The following NLGN1 variants were observed in gnomAD, a reference collection of about 807,000 sequenced individuals.
NLGN1 encodes the protein neuroligin-1.
In NLGN1, 12 loss-of-function variants were observed where a neutral mutation model predicts 65.5. That is an observed-to-expected ratio of 0.18 (90% confidence interval 0.12 to 0.30). NLGN1 has a LOEUF of 0.30. Among genes scored for constraint, NLGN1 ranks in the 10% least tolerant of loss-of-function variants. The pLI, the probability that NLGN1 is intolerant of heterozygous loss-of-function variation, is 1.00. For missense variants in NLGN1, 750 were observed against 1,007.1 expected, an observed-to-expected ratio of 0.74 and a Z score of 3.46; for synonymous variants, 350 against 359.5, an observed-to-expected ratio of 0.97 and a Z score of 0.30.
chr3:173,603,839 A>G (rs952195253), intron 2 of NLGN1, among the ~76,000 whole-genome samples: 6 of 152,082 alleles, frequency 3.9e-5, no homozygotes, highest in South Asian at 2.1e-4. Context: ...AATGCATACA[A>G]TCATTCTTAC....
intron 2 of NLGN1, among the ~76,000 whole-genome samples, chr3:173,585,642 G>C (rs1189349259): frequency 6.6e-6 from 1 of 152,186 alleles, no homozygotes; most frequent in Non-Finnish European, 1.5e-5. Context: ...CAAGTCCGAG[G>C]TAACTTTCTT....
intron 4 of NLGN1, among the ~76,000 whole-genome samples, chr3:174,169,081 C>T (rs952174440): frequency 6.6e-6 from 1 of 152,092 alleles, no homozygotes; most frequent in Admixed American, 6.5e-5. Context: ...TGGAGATCTG[C>T]CTGGGCATGG....
At chr3:173,453,420 C>A (rs1721978575) in intron 2 of NLGN1, among the ~76,000 whole-genome samples, 1 of 151,454 alleles carries the variant, frequency 6.6e-6, no homozygotes, top group Non-Finnish European at 1.5e-5. Context: ...TGAAGTTGGT[C>A]ACATTGATTG....
chr3:174,129,250 ATAATT>A (rs1306427196), intron 4 of NLGN1, among the ~76,000 whole-genome samples: 2 of 151,986 alleles, frequency 1.3e-5, no homozygotes, highest in Non-Finnish European at 2.9e-5. Context: ...TTTTTGGCTC[ATAATT>A]TAAAGAGGTA....
chr3:173,916,541 GGACTACATGAAA>G lies in NLGN1; in HGVS notation c.646+108711_646+108722del, dbSNP rs1358331347. Among the ~76,000 whole-genome samples, 29 of 152,140 alleles carry G rather than the reference GGACTACATGAAA, an allele frequency of 1.9e-4. No individual in the cohort carries two copies. The East Asian group carries it at 5.6e-3, about 29-fold the overall frequency. The stretch of plus-strand genomic sequence containing the variant: ...GTAAATGTTGTCATAATAATAATTA[GGACTACATGAAA>G]GCCATTAGATATGGTGCCCTTCCAG... On this transcript the variant is annotated intron_variant, in intron 4 of 6. Transcript: ENST00000457714.
intron 4 of NLGN1, among the ~76,000 whole-genome samples, chr3:173,824,515 G>T (rs1042677318): frequency 9.9e-5 from 15 of 152,208 alleles, no homozygotes; most frequent in African/African-American, 3.6e-4. Context: ...AAACAAAGGT[G>T]TAAGGGGCTG....
intron 4 of NLGN1, among the ~76,000 whole-genome samples, chr3:173,947,313 C>T (rs900635000): frequency 1.3e-5 from 2 of 151,994 alleles, no homozygotes; most frequent in African/African-American, 4.8e-5. Context: ...TTAGCCACCA[C>T]GACTGGCTCA....
chr3:173,870,116 T>C (rs1181597741), intron 4 of NLGN1, among the ~76,000 whole-genome samples: 1 of 152,206 alleles, frequency 6.6e-6, no homozygotes, highest in Non-Finnish European at 1.5e-5. Context: ...TAGGTTTTAA[T>C]AGACATCCTT....
chr3:173,791,292 C>T (rs1315309400), intron 3 of NLGN1, among the ~76,000 whole-genome samples: 1 of 152,178 alleles, frequency 6.6e-6, no homozygotes, highest in Non-Finnish European at 1.5e-5. Context: ...ATTTCACTCT[C>T]TCATTGGCCT....
At chr3:174,037,055 T>C (rs897788847) in intron 4 of NLGN1, among the ~76,000 whole-genome samples, 1 of 152,200 alleles carries the variant, frequency 6.6e-6, no homozygotes, top group Non-Finnish European at 1.5e-5. Context: ...AGTGCTTCAA[T>C]GAACATACGT....
chr3:173,609,901 A>G (rs1295618065), intron 3 of NLGN1, among the ~76,000 whole-genome samples: 1 of 151,998 alleles, frequency 6.6e-6, no homozygotes, highest in African/African-American at 2.4e-5. Context: ...TCGAGCAAAG[A>G]TCTGAAGGAG....
Position 173,959,779 on chromosome 3 carries a change from A to C in NLGN1, c.646+151947A>C, listed in dbSNP as rs13318304. On this transcript the variant is annotated intron_variant, in intron 4 of 6. Coordinates refer to ENST00000457714, the Ensembl canonical transcript of NLGN1. ...ACAGTTTTGCTAGATTTATAAAATA[A>C]TTTTCAGAATCTTCCATATTTTCTA... Among the ~76,000 whole-genome samples, 546 of 152,250 alleles carry C rather than the reference A, an allele frequency of 3.6e-3. 3 individuals carry two copies. The highest frequency in any genetic ancestry group is 0.013 in the African/African-American group (530 of 41,566).
rs902750069 is a variant in NLGN1 at position 173,499,082 on chromosome 3, T to G, written c.-321+64004T>G. On this transcript the variant is annotated intron_variant, in intron 2 of 6. Coordinates refer to ENST00000457714, the Ensembl canonical transcript of NLGN1. ...AATTAGATCCCATTTGTCAATTTTG[T>G]CTTTTGTTGCCATTGCTTTTGGTGT... Among the ~76,000 whole-genome samples, 317 of 150,996 alleles carry G rather than the reference T, an allele frequency of 2.1e-3. 4 individuals carry two copies. The highest frequency in any genetic ancestry group is 4.0e-3 in the South Asian group (19 of 4,790).
At chr3:174,006,791 A>G (rs1724512404) in intron 4 of NLGN1, among the ~76,000 whole-genome samples, 1 of 152,116 alleles carries the variant, frequency 6.6e-6, no homozygotes. Flanking sequence ...GATTAAGGCC[A>G]GGCATGGGGG....
intron 4 of NLGN1, among the ~76,000 whole-genome samples, chr3:174,189,605 G>A (rs1172090608): frequency 6.6e-6 from 1 of 151,826 alleles, no homozygotes; most frequent in Non-Finnish European, 1.5e-5. Flanking sequence ...TCTTCAGCAT[G>A]TTTCCAAATC....
intron 3 of NLGN1, among the ~76,000 whole-genome samples, chr3:173,638,413 C>T (rs938860828): frequency 2.0e-5 from 3 of 150,438 alleles, no homozygotes; most frequent in African/African-American, 7.3e-5. Context: ...AATAAATTTG[C>T]AGGTGTGCAA....
At chr3:174,105,278 G>T (rs1713461888) in intron 4 of NLGN1, among the ~76,000 whole-genome samples, 1 of 152,052 alleles carries the variant, frequency 6.6e-6, no homozygotes. Flanking sequence ...GGTGGCTCAT[G>T]CCTGTCATCC....
intron 4 of NLGN1, among the ~76,000 whole-genome samples, chr3:174,118,652 G>T (rs1717079612): frequency 6.6e-6 from 1 of 152,022 alleles, no homozygotes; most frequent in South Asian, 2.1e-4. Context: ...TAGATGTTCA[G>T]CAAGTACATA....
intron 3 of NLGN1, among the ~76,000 whole-genome samples, chr3:173,628,072 T>G (rs1327445164): frequency 2.0e-5 from 3 of 152,144 alleles, no homozygotes; most frequent in Non-Finnish European, 4.4e-5. Context: ...GCTGGGAGTT[T>G]AAGCACTGAA....
Sources: gnomAD v4.1 joint callset for allele counts (sites outside exome capture counted in the v4.1 genomes callset) on GRCh38, gnomAD v4.1.1 for gene constraint, MANE v1.5 for transcripts, NCBI Gene and HGNC (gene_info 2026-07-23, HGNC 2026-07-21) for gene names.